Variants in RIMKLB observed in about 807,000 individuals in gnomAD.
RIMKLB encodes the protein ribosomal modification protein rimK like family member B.
A neutral mutation model predicts 32.0 loss-of-function variants in RIMKLB; 7 were observed. The ratio of observed to expected loss-of-function variants is 0.22; its 90% CI spans 0.12 to 0.41. RIMKLB has a LOEUF of 0.41. RIMKLB is among the 10% of genes least tolerant of loss of function. RIMKLB has a pLI of 1.00. For missense variants in RIMKLB, 289 were observed against 498.7 expected, an observed-to-expected ratio of 0.58 and a Z score of 4.00; for synonymous variants, 172 against 185.1, an observed-to-expected ratio of 0.93 and a Z score of 0.57.
intron 2 of RIMKLB, among the ~76,000 whole-genome samples, chr12:8,720,969 G>C (rs1945391089): frequency 6.6e-6 from 1 of 152,184 alleles, no homozygotes; most frequent in African/African-American, 2.4e-5. Flanking sequence ...CCTGGAACCA[G>C]GTAATTTTTA....
chr12:8,711,022 A>C (rs1944331074), intron 1 of RIMKLB, among the ~76,000 whole-genome samples: 1 of 151,882 alleles, frequency 6.6e-6, no homozygotes, highest in Admixed American at 6.6e-5. Context: ...CACGCCTATA[A>C]TTCCATCATT....
Position 8,706,816 on chromosome 12 carries a change from C to T in RIMKLB, c.-56-6995C>T, listed in dbSNP as rs778083158. ...AGTGGGTGGCATTTAGTTAGGGATG[C>T]CCAGTAGGCTCATTGAAATGGATTC... On this transcript the variant is annotated intron_variant, in intron 1 of 5. Coordinates refer to ENST00000535829, the MANE Select transcript of RIMKLB (RefSeq NM_001297776.2). Among the ~76,000 whole-genome samples, 19 of 152,060 alleles carry T rather than the reference C, an allele frequency of 1.2e-4. No individual in the cohort carries two copies. In the South Asian group the frequency reaches 3.7e-3, roughly 30 times the overall value.
intron 2 of RIMKLB, 151 bp from the exon 3 acceptor site, chr12:8,749,711 T>G (rs964212285): frequency 1.8e-6 from 1 of 567,642 alleles, no homozygotes; most frequent in Non-Finnish European, 3.1e-6. Flanking sequence ...CTAATTAAAT[T>G]TTCTTTTTTC....
intron 5 of RIMKLB, among the ~76,000 whole-genome samples, chr12:8,757,032 C>T (rs960132752): frequency 1.3e-5 from 2 of 152,052 alleles, no homozygotes; most frequent in Non-Finnish European, 2.9e-5. Context: ...ATTAGCTCTT[C>T]ATGTCTCATT....
intron 2 of RIMKLB, among the ~76,000 whole-genome samples, chr12:8,725,773 C>T (rs1172140719): frequency 6.6e-6 from 1 of 152,176 alleles, no homozygotes; most frequent in Non-Finnish European, 1.5e-5. Flanking sequence ...CACAGTTTTC[C>T]TGGACCATAT....
At chr12:8,742,191 C>T (rs1171488361) in intron 2 of RIMKLB, among the ~76,000 whole-genome samples, 3 of 151,916 alleles carry the variant, frequency 2.0e-5, no homozygotes, top group Admixed American at 2.0e-4. Context: ...AGCCACCATG[C>T]CCGGCTGGAG....
upstream of RIMKLB, chr12:8,697,046 T>C (rs1446768439): frequency 6.6e-6 from 1 of 152,226 alleles, no homozygotes; most frequent in African/African-American, 2.4e-5. Flanking sequence ...TTTTATTTTT[T>C]ATACATAGTT....
chr12:8,774,095 TC>T lies in RIMKLB; in HGVS notation c.*312del, dbSNP rs1950593002. On this transcript the variant is annotated 3_prime_UTR_variant, in exon 6 of 6. Coordinates refer to ENST00000535829, the MANE Select transcript of RIMKLB (RefSeq NM_001297776.2). ...ATGAGGAACAAATACTTTTTTTTTTTCATGGTCCCTTGCTTTTGTTTTTGTA... is the reference window on the plus strand; with the variant it reads ...ATGAGGAACAAATACTTTTTTTTTTTATGGTCCCTTGCTTTTGTTTTTGTA... The T allele has an allele frequency of 9.3e-7, 1 of 1,071,818 alleles. No homozygotes were observed. Among genetic ancestry groups the T allele is most frequent in the Non-Finnish European group, 1.1e-6 (1 of 884,524 alleles). The allele number at this position is 1,071,818 out of a possible 1,614,324, so 66.4% of individuals were successfully genotyped here. A position where few individuals can be genotyped will look rare whatever the true frequency, so the allele number is the denominator to read the frequency against.
chr12:8,766,374 C>CA (rs1188932982), intron 5 of RIMKLB, among the ~76,000 whole-genome samples: 8 of 152,248 alleles, frequency 5.3e-5, no homozygotes, highest in Admixed American at 1.3e-4. Context: ...CCTTTGCACT[C>CA]AGAGGTGAAT....
intron 1 of RIMKLB, among the ~76,000 whole-genome samples, chr12:8,685,076 CAT>C (rs1408900878): frequency 1.3e-5 from 2 of 152,190 alleles, no homozygotes; most frequent in African/African-American, 4.8e-5. Flanking sequence ...TATAGGCAAT[CAT>C]GTCATCTGCG....
chr12:8,759,715 T>C (rs1305510553), intron 5 of RIMKLB, among the ~76,000 whole-genome samples: 1 of 152,124 alleles, frequency 6.6e-6, no homozygotes, highest in Non-Finnish European at 1.5e-5. Flanking sequence ...ACCATACAAT[T>C]TCCAGATTCT....
At chr12:8,778,591 G>A (rs956901003), downstream of RIMKLB, among the ~76,000 whole-genome samples, 14 of 152,096 alleles carry the variant, frequency 9.2e-5, no homozygotes, top group Admixed American at 2.0e-4. Context: ...ACTACAACTC[G>A]TCCATTTTAA....
intron 1 of RIMKLB, among the ~76,000 whole-genome samples, chr12:8,709,949 G>A (rs1565559656): frequency 6.6e-6 from 1 of 152,074 alleles, no homozygotes; most frequent in Non-Finnish European, 1.5e-5. Flanking sequence ...AGGGACTACT[G>A]TACCTGGTAA....
At chr12:8,694,413 T>TTGG (rs1942828352), upstream of RIMKLB, among the ~76,000 whole-genome samples, 1 of 146,784 alleles carries the variant, frequency 6.8e-6, no homozygotes. Context: ...TTTTTTTTTT[T>TTGG]GAGATGGAGT....
intron 1 of RIMKLB, among the ~76,000 whole-genome samples, chr12:8,702,368 C>T (rs1591637976): frequency 6.6e-6 from 1 of 152,222 alleles, no homozygotes; most frequent in Admixed American, 6.5e-5. Context: ...TCTGTTTAAA[C>T]ATTTACATGC....
chr12:8,764,454 C>A (rs901637692), intron 5 of RIMKLB, among the ~76,000 whole-genome samples: 1 of 152,162 alleles, frequency 6.6e-6, no homozygotes. Context: ...GAGTAAAGTT[C>A]TCCAGTCACA....
At chr12:8,701,387 C>G (rs945691918) in intron 1 of RIMKLB, among the ~76,000 whole-genome samples, 3 of 151,746 alleles carry the variant, frequency 2.0e-5, no homozygotes, top group Non-Finnish European at 2.9e-5. Context: ...TTCATGGTAA[C>G]TAATGCCATG....
In RIMKLB at chr12:8,776,471, A is replaced by G. The variant is rs977991059; in HGVS notation, c.*2687A>G. On this transcript the variant is annotated 3_prime_UTR_variant, in exon 6 of 6. Coordinates refer to ENST00000535829, the MANE Select transcript of RIMKLB (RefSeq NM_001297776.2). ...CTTTTGTATAATCTTCATTGCTATTATGAGAGAGAATGTATATATCAAATA... is the reference window on the plus strand; with the variant it reads ...CTTTTGTATAATCTTCATTGCTATTGTGAGAGAGAATGTATATATCAAATA... 1.1e-5 allele frequency: 8 copies of G among 753,648 alleles called. 1 individual carries two copies. In the Admixed American group the frequency reaches 5.0e-4, roughly 47 times the overall value. 46.7% of individuals were successfully genotyped at this position (753,648 alleles called of 1,614,324 possible).
chr12:8,702,948 A>G (rs916793886), intron 1 of RIMKLB, among the ~76,000 whole-genome samples: 1 of 152,230 alleles, frequency 6.6e-6, no homozygotes, highest in African/African-American at 2.4e-5. Context: ...GCCATGTTCC[A>G]GAAATAATTT....
Sources: allele counts gnomAD v4.1 joint callset (sites outside exome capture counted in the v4.1 genomes callset), GRCh38; gene constraint gnomAD v4.1.1; transcripts MANE v1.5; gene names NCBI Gene and HGNC (gene_info 2026-07-23, HGNC 2026-07-21).